The following RPP30 variants were observed in gnomAD, a reference collection of about 807,000 sequenced individuals.
RPP30 encodes ribonuclease P/MRP subunit p30.
RPP30 carries 36 observed loss-of-function variants against 38.6 expected under a neutral mutation model. That is an observed-to-expected ratio of 0.93 (90% CI 0.71 to 1.23). The LOEUF (loss-of-function observed/expected upper bound fraction) is 1.23, where lower values mean the gene tolerates loss of function less well. RPP30 is among the 50% of genes most tolerant of loss of function. RPP30 has a pLI of 0.00. For missense variants in RPP30, 321 were observed against 321.7 expected, an observed-to-expected ratio of 1.00 and a Z score of 0.02; for synonymous variants, 126 against 112.7, an observed-to-expected ratio of 1.12 and a Z score of -0.75.
At chr10:90,874,797 T>C (rs897620758) in intron 1 of RPP30, 72 bp from the exon 2 acceptor site, 5 of 985,442 alleles carry the variant, frequency 5.1e-6, no homozygotes, top group Non-Finnish European at 7.7e-6. Context: ...ACATCTAGAC[T>C]CAGGATGGAC....
In RPP30 at chr10:90,894,799, G is replaced by T; in HGVS notation, c.457G>T (p.Glu153Ter). Residue 153 changes from glutamate to a stop codon, truncating the protein, a stop_gained, in exon 7 of 11, where the codon GAA becomes TAA. Transcript: ENST00000371703. LOFTEE classifies it high-confidence loss of function. ...GGCGATTGACCGAGGCCTGGCTTTTGAACTTGTCTATAGCCCTGCTATCAA... is the reference window on the plus strand; with the variant it reads ...GGCGATTGACCGAGGCCTGGCTTTTTAACTTGTCTATAGCCCTGCTATCAA... ...NVAIDRGLAF[E>*]LVYSPAIKDS... 6.2e-7 allele frequency: 1 copy of T among 1,613,124 alleles called. No individual in the cohort carries two copies. The highest frequency in any genetic ancestry group is 2.2e-5 in the East Asian group (1 of 44,868).
chr10:90,902,125 G>A lies in RPP30; in HGVS notation c.*1446G>A, dbSNP rs1195111307. 1 of 989,462 alleles carries A rather than the reference G, an allele frequency of 1.0e-6. No homozygotes were observed. Among genetic ancestry groups the A allele is most frequent in the Non-Finnish European group, 1.2e-6 (1 of 832,270 alleles). 61.3% of individuals were successfully genotyped at this position (989,462 alleles called of 1,614,324 possible). A position where few individuals can be genotyped will look rare whatever the true frequency, so the allele number is the denominator to read the frequency against. On this transcript the variant is annotated 3_prime_UTR_variant, in exon 11 of 11. Transcript: ENST00000371703. ...GAAAATACAGTTTTAAAAAGAGAAA[G>A]CTTTATAACCTCACCAATGAATACA...
intron 4 of RPP30, among the ~76,000 whole-genome samples, chr10:90,878,007 G>T (rs1846873811): frequency 6.6e-6 from 1 of 152,144 alleles, no homozygotes; most frequent in Non-Finnish European, 1.5e-5. Context: ...CCAACTTTTG[G>T]TGTCTTACAC....
At position 90,885,795 on chromosome 10, in the gene RPP30, T is replaced by G. The variant is rs751589797; in HGVS notation, c.343-17T>G. On this transcript the variant is annotated splice_polypyrimidine_tract_variant and intron_variant, in intron 5 of 10. Transcript: ENST00000371703. ...CAATTTTCCTTTTGGCCTTACCTAT[T>G]TTTTTCTTCTTTACAGATTGCTTGC... 1.8e-5 allele frequency: 29 copies of G among 1,587,988 alleles called. No homozygotes were observed. The highest frequency in any genetic ancestry group is 2.5e-5 in the Non-Finnish European group (29 of 1,159,640).
chr10:90,891,141 A>G (rs1418617190), intron 6 of RPP30, among the ~76,000 whole-genome samples: 1 of 152,240 alleles, frequency 6.6e-6, no homozygotes, highest in African/African-American at 2.4e-5. Context: ...ATGATCTCAC[A>G]GTTCTGAAGC....
chr10:90,885,396 G>C (rs1846985631), intron 5 of RPP30, among the ~76,000 whole-genome samples: 1 of 152,200 alleles, frequency 6.6e-6, no homozygotes, highest in Non-Finnish European at 1.5e-5. Context: ...TCAATAAATA[G>C]TGTGTGGGAT....
intron 10 of RPP30, among the ~76,000 whole-genome samples, chr10:90,899,831 T>C (rs552106567): frequency 4.6e-5 from 7 of 152,310 alleles, no homozygotes; most frequent in South Asian, 2.1e-4. Context: ...CTCGCATGCA[T>C]GTAGTATAGG....
chr10:90,892,313 A>G (rs1847090597), intron 6 of RPP30, among the ~76,000 whole-genome samples: 1 of 152,182 alleles, frequency 6.6e-6, no homozygotes, highest in Non-Finnish European at 1.5e-5. Flanking sequence ...TTATCCATCT[A>G]AAAATTTAAA....
intron 1 of RPP30, among the ~76,000 whole-genome samples, chr10:90,874,191 G>A (rs1219608337): frequency 6.6e-6 from 1 of 152,156 alleles, no homozygotes; most frequent in Non-Finnish European, 1.5e-5. Context: ...TTAAAGATGG[G>A]AGTCATGATT....
chr10:90,894,056 G>A (rs1339373676), intron 6 of RPP30, among the ~76,000 whole-genome samples: 2 of 152,140 alleles, frequency 1.3e-5, no homozygotes, highest in Non-Finnish European at 2.9e-5. Context: ...GGTGAGCTGG[G>A]CAAAATCTTC....
chr10:90,879,208 T>C, intron 5 of RPP30, 74 bp downstream of exon 5: 1 of 1,116,594 alleles, frequency 9.0e-7, no homozygotes, highest in African/African-American at 1.6e-5. Flanking sequence ...ACTTTGTAGA[T>C]GACCTGTTTT....
chr10:90,907,413 A>G (rs572217512), downstream of RPP30, among the ~76,000 whole-genome samples: 1 of 152,342 alleles, frequency 6.6e-6, no homozygotes, highest in South Asian at 2.1e-4. Flanking sequence ...GACTCCCTGG[A>G]TTAGTACTAG....
chr10:90,875,981 A>G (rs1846846565), intron 3 of RPP30, 43 bp from the exon 4 acceptor site: 2 of 1,118,546 alleles, frequency 1.8e-6, no homozygotes, highest in Non-Finnish European at 2.7e-6. Flanking sequence ...AAAATCAATT[A>G]TTGTCTTTTG....
chr10:90,887,674 C>T (rs1431618029), intron 6 of RPP30, among the ~76,000 whole-genome samples: 1 of 152,178 alleles, frequency 6.6e-6, no homozygotes, highest in African/African-American at 2.4e-5. Context: ...CGTGAGCCAC[C>T]ACACCCGGCC....
At chr10:90,903,407 G>A (rs1847224046), downstream of RPP30, 1 of 592,134 alleles carries the variant, frequency 1.7e-6, no homozygotes, top group Non-Finnish European at 3.0e-6. Context: ...ACCAGATACA[G>A]TAAGATTTTC....
At chr10:90,889,528 GT>G (rs1272865681) in intron 6 of RPP30, among the ~76,000 whole-genome samples, 3 of 151,756 alleles carry the variant, frequency 2.0e-5, no homozygotes, top group African/African-American at 7.3e-5. Context: ...GGCCAGGCTG[GT>G]TTTGAACTCC....
intron 10 of RPP30, among the ~76,000 whole-genome samples, chr10:90,898,557 CA>C (rs1384693152): frequency 6.6e-6 from 1 of 152,140 alleles, no homozygotes; most frequent in African/African-American, 2.4e-5. Flanking sequence ...CTGAGTGCCA[CA>C]TTTAAGAAGG....
chr10:90,879,893 G>A (rs921553653), intron 5 of RPP30: 8 of 152,130 alleles, frequency 5.3e-5, no homozygotes, highest in Admixed American at 2.6e-4. Flanking sequence ...CTTTATCTAG[G>A]TTCACTAAAG....
intron 10 of RPP30, among the ~76,000 whole-genome samples, chr10:90,898,753 T>C (rs1421526122): frequency 6.6e-6 from 1 of 152,196 alleles, no homozygotes; most frequent in African/African-American, 2.4e-5. Flanking sequence ...AATTAGGTTC[T>C]TTGGGGGTCC....
Sources: gnomAD v4.1 joint callset for allele counts (sites outside exome capture counted in the v4.1 genomes callset) on GRCh38, gnomAD v4.1.1 for gene constraint, MANE v1.5 for transcripts, NCBI Gene and HGNC (gene_info 2026-07-23, HGNC 2026-07-21) for gene names.